Variants in TBPL1 observed in about 807,000 individuals in gnomAD.
The protein encoded by TBPL1 is TATA-box binding protein like 1, also known as TATA box-binding protein-like 1.
Under a neutral mutation model 22.1 loss-of-function variants are expected in TBPL1, and 4 were observed. That is an observed-to-expected ratio of 0.18 (90% CI 0.09 to 0.41). TBPL1 has a LOEUF of 0.41. Among genes scored for constraint, TBPL1 ranks in the 10% least tolerant of loss-of-function variants. TBPL1 has a pLI of 1.00. For synonymous variants in TBPL1, 64 were observed against 71.0 expected, an observed-to-expected ratio of 0.90 and a Z score of 0.50; for missense variants, 115 against 222.3, an observed-to-expected ratio of 0.52 and a Z score of 3.07.
intron 1 of TBPL1, among the ~76,000 whole-genome samples, chr6:133,972,229 C>T (rs1043569551): frequency 2.0e-5 from 3 of 152,198 alleles, no homozygotes; most frequent in African/African-American, 7.2e-5. Context: ...TACATAACCA[C>T]TCTATTTTCT....
intron 1 of TBPL1, among the ~76,000 whole-genome samples, chr6:133,972,012 G>A (rs910187295): frequency 6.6e-6 from 1 of 152,054 alleles, no homozygotes; most frequent in South Asian, 2.1e-4. Flanking sequence ...CTAAAATACT[G>A]TGATAACTAC....
intron 1 of TBPL1, among the ~76,000 whole-genome samples, chr6:133,974,415 C>T (rs1278094427): frequency 6.6e-6 from 1 of 152,154 alleles, no homozygotes; most frequent in African/African-American, 2.4e-5. Context: ...CTCACTGCAA[C>T]CTCCGCCTCC....
intron 1 of TBPL1, among the ~76,000 whole-genome samples, chr6:133,974,330 T>C (rs1301040598): frequency 6.6e-6 from 1 of 152,184 alleles, no homozygotes; most frequent in Non-Finnish European, 1.5e-5. Flanking sequence ...TATACTTTGG[T>C]CAGTTCAGTT....
At chr6:133,962,793 G>A (rs908208648) in intron 1 of TBPL1, among the ~76,000 whole-genome samples, 2 of 152,172 alleles carry the variant, frequency 1.3e-5, no homozygotes, top group Non-Finnish European at 2.9e-5. Flanking sequence ...GCCTTCTCAG[G>A]TACAGATTAG....
At chr6:133,961,887 A>G (rs1776031837) in intron 1 of TBPL1, among the ~76,000 whole-genome samples, 2 of 152,158 alleles carry the variant, frequency 1.3e-5, no homozygotes, top group South Asian at 2.1e-4. Flanking sequence ...TTATTTTGTC[A>G]GCCTATTTGT....
chr6:133,985,172 G>A (rs1399377731), intron 6 of TBPL1, among the ~76,000 whole-genome samples: 2 of 149,540 alleles, frequency 1.3e-5, no homozygotes, highest in South Asian at 2.1e-4. Flanking sequence ...CCAGCTATTC[G>A]GGAGGCTAAG....
intron 2 of TBPL1, among the ~76,000 whole-genome samples, chr6:133,981,715 C>T (rs1776416129): frequency 1.3e-5 from 2 of 152,110 alleles, no homozygotes; most frequent in Admixed American, 1.3e-4. Flanking sequence ...CAAAATGTAA[C>T]AAAAATTTTA....
In TBPL1 at chr6:133,990,333, A is replaced by C. The variant is rs1488106966; in HGVS notation, c.*3293A>C. 1.3e-5 allele frequency: 2 copies of C among 152,596 alleles called. No individual in the cohort carries two copies. The highest frequency in any genetic ancestry group is 4.8e-5 in the African/African-American group (2 of 41,436). The allele number at this position is 152,596 out of a possible 1,614,324, so 9.5% of individuals were successfully genotyped here. On this transcript the variant is annotated 3_prime_UTR_variant, in exon 7 of 7. Transcript: ENST00000237264. Reference sequence around the variant, plus strand: ...GGCTTGACTTAATAACTTCAACCTAATTGCTTAGAGATTTGGATAAATAAC... The same window carrying C: ...GGCTTGACTTAATAACTTCAACCTACTTGCTTAGAGATTTGGATAAATAAC...
intron 1 of TBPL1, among the ~76,000 whole-genome samples, chr6:133,969,758 T>TG (rs1444774192): frequency 2.6e-5 from 4 of 152,240 alleles, no homozygotes; most frequent in Admixed American, 2.6e-4. Flanking sequence ...TAGACCTTAG[T>TG]GCATCTAACT....
At chr6:133,969,834 A>G (rs1776187391) in intron 1 of TBPL1, among the ~76,000 whole-genome samples, 1 of 152,242 alleles carries the variant, frequency 6.6e-6, no homozygotes, top group South Asian at 2.1e-4. Flanking sequence ...TTCAGAATTG[A>G]TGATAATTTA....
intron 4 of TBPL1, 145 bp downstream of exon 4, chr6:133,983,025 T>C (rs1776444212): frequency 2.8e-6 from 2 of 724,670 alleles, no homozygotes; most frequent in South Asian, 5.9e-5. Flanking sequence ...TGCCCTTCAG[T>C]GTGAAAATTA....
intron 1 of TBPL1, among the ~76,000 whole-genome samples, chr6:133,955,912 G>A (rs1245841104): frequency 2.0e-5 from 3 of 152,166 alleles, no homozygotes; most frequent in African/African-American, 7.2e-5. Flanking sequence ...CAGCATTTGT[G>A]TGGATGAACA....
chr6:133,980,803 C>G (rs1776398681), intron 2 of TBPL1, among the ~76,000 whole-genome samples: 1 of 151,454 alleles, frequency 6.6e-6, no homozygotes, highest in Non-Finnish European at 1.5e-5. Context: ...TTGAGATTAA[C>G]ATTATAAAAG....
chr6:133,975,043 A>G (rs1776290195), intron 1 of TBPL1, among the ~76,000 whole-genome samples: 1 of 152,212 alleles, frequency 6.6e-6, no homozygotes, highest in Non-Finnish European at 1.5e-5. Flanking sequence ...AAATACTTTC[A>G]TTTAAGAAAT....
intron 1 of TBPL1, among the ~76,000 whole-genome samples, chr6:133,966,088 CAG>C (rs529158999): frequency 2.0e-4 from 30 of 152,106 alleles, no homozygotes; most frequent in Admixed American, 1.4e-3. Flanking sequence ...CAGAAAGAAA[CAG>C]AGAGAGAGTG....
chr6:133,952,990 T>C (rs1775859424), upstream of TBPL1, among the ~76,000 whole-genome samples: 1 of 152,016 alleles, frequency 6.6e-6, no homozygotes, highest in Non-Finnish European at 1.5e-5. This position sits in a 1 kb window ranked among gnomAD's most constrained non-coding sequence, Gnocchi z 4.5. Flanking sequence ...TCCCACCTCT[T>C]ACCTCCCACC....
At chr6:133,976,979 A>G (rs1776325196) in intron 1 of TBPL1, among the ~76,000 whole-genome samples, 1 of 152,006 alleles carries the variant, frequency 6.6e-6, no homozygotes, top group Admixed American at 6.6e-5. Flanking sequence ...AAAAAAAAAA[A>G]AAAGAAAAAA....
At chr6:133,985,276 T>TAA (rs1229100828) in intron 6 of TBPL1, among the ~76,000 whole-genome samples, 143 of 12,898 alleles carry the variant, frequency 0.011, 33 homozygotes, top group African/African-American at 0.032. Flanking sequence ...AGACTCTGTC[T>TAA]AAAAAAAAAA....
intron 3 of TBPL1, 61 bp from the exon 4 acceptor site, chr6:133,982,756 C>G (rs1474041021): frequency 1.3e-6 from 2 of 1,584,166 alleles, no homozygotes; most frequent in African/African-American, 1.4e-5. Flanking sequence ...TTGTTATGTT[C>G]CTCAGTATAA....
Sources: allele counts gnomAD v4.1 joint callset (sites outside exome capture counted in the v4.1 genomes callset), GRCh38; gene constraint gnomAD v4.1.1; non-coding constraint Gnocchi (gnomAD v3.1); transcripts MANE v1.5; gene names NCBI Gene and HGNC (gene_info 2026-07-23, HGNC 2026-07-21).